Variants in SPPL3 observed in about 807,000 individuals in gnomAD.
The protein encoded by SPPL3 is signal peptide peptidase like 3.
Under a neutral mutation model 42.4 loss-of-function variants are expected in SPPL3, and 5 were observed. The observed-to-expected ratio is 0.12, with a 90% CI of 0.06 to 0.25. The LOEUF (loss-of-function observed/expected upper bound fraction) is 0.25, where lower values mean the gene tolerates loss of function less well. Ranked by LOEUF, SPPL3 falls within the 10% of genes least tolerant of loss-of-function variation. The pLI is 1.00. For synonymous variants in SPPL3, 195 were observed against 181.8 expected (o/e 1.07, Z -0.58); for missense variants, 235 against 489.0 (o/e 0.48, Z 4.90).
intron 1 of SPPL3, among the ~76,000 whole-genome samples, chr12:120,879,037 T>C (rs1873198039): frequency 1.5e-5 from 2 of 130,316 alleles, no homozygotes; most frequent in Admixed American, 2.0e-4. Flanking sequence ...CACTTGAACC[T>C]GGGAGGCGGA....
At chr12:120,827,340 TAATAATA>T (rs1270873215) in intron 1 of SPPL3, among the ~76,000 whole-genome samples, 1 of 147,074 alleles carries the variant, frequency 6.8e-6, no homozygotes, top group Non-Finnish European at 1.5e-5. Flanking sequence ...ATAATAATAA[TAATAATA>T]ATAATAATAT....
chr12:120,785,805 T>C (rs1270235320), intron 3 of SPPL3, among the ~76,000 whole-genome samples: 1 of 106,778 alleles, frequency 9.4e-6, no homozygotes, highest in African/African-American at 4.5e-5. Flanking sequence ...ACCCTATCTC[T>C]ACAGAAAATT....
intron 6 of SPPL3, among the ~76,000 whole-genome samples, chr12:120,773,379 G>A (rs1869192023): frequency 6.6e-6 from 1 of 152,200 alleles, no homozygotes; most frequent in Non-Finnish European, 1.5e-5. Flanking sequence ...AGGGTGATCT[G>A]TTCATGGACT....
intron 2 of SPPL3, chr12:120,791,929 T>C (rs1225046101): frequency 8.4e-6 from 2 of 237,990 alleles, no homozygotes; most frequent in Admixed American, 1.1e-4. Context: ...ATCAGTTCAC[T>C]CTCTCAGCAG....
At chr12:120,866,605 T>C (rs182677477) in intron 1 of SPPL3, among the ~76,000 whole-genome samples, 3 of 152,336 alleles carry the variant, frequency 2.0e-5, no homozygotes, top group Admixed American at 1.3e-4. Flanking sequence ...GGAGAAATAA[T>C]GTATTTCTTC....
chr12:120,771,811 C>T (rs932880979), intron 6 of SPPL3, among the ~76,000 whole-genome samples: 1 of 152,232 alleles, frequency 6.6e-6, no homozygotes, highest in Non-Finnish European at 1.5e-5. Flanking sequence ...CACTGTACAG[C>T]CCAAGCCCTC....
At chr12:120,871,144 A>AAAAAAAAAG (rs61249398) in intron 1 of SPPL3, among the ~76,000 whole-genome samples, 6,600 of 140,850 alleles carry the variant, frequency 0.047, 790 homozygotes, top group African/African-American at 0.18. Context: ...AAAAAAAAAA[A>AAAAAAAAAG]AAAAAGAAAA....
chr12:120,826,228 G>A (rs1466864207), intron 1 of SPPL3, among the ~76,000 whole-genome samples: 2 of 150,348 alleles, frequency 1.3e-5, no homozygotes, highest in Non-Finnish European at 3.0e-5. Context: ...GGGAGGCAGA[G>A]GTGGCGGTGA....
At chr12:120,899,863 T>C (rs1873920106) in intron 1 of SPPL3, among the ~76,000 whole-genome samples, 1 of 117,520 alleles carries the variant, frequency 8.5e-6, no homozygotes, top group Admixed American at 1.3e-4. Context: ...ATTGCACTCT[T>C]GGGCGACAGA....
intron 2 of SPPL3, among the ~76,000 whole-genome samples, chr12:120,805,442 T>C (rs908069087): frequency 6.6e-6 from 1 of 152,250 alleles, no homozygotes; most frequent in Non-Finnish European, 1.5e-5. Flanking sequence ...TGGGAAATGC[T>C]TTCCCTGAAG....
At chr12:120,776,534 T>G (rs192009553) in intron 6 of SPPL3, among the ~76,000 whole-genome samples, 7 of 152,290 alleles carry the variant, frequency 4.6e-5, no homozygotes, top group African/African-American at 1.7e-4. Flanking sequence ...AAGTGTATGT[T>G]TCCAATGGCT....
Position 120,764,893 on chromosome 12 carries a change from A to G in SPPL3, c.*106T>C. The G allele has an allele frequency of 8.0e-7, 1 of 1,246,006 alleles. No individual in the cohort carries two copies. The highest frequency in any genetic ancestry group is 2.6e-4 in the Middle Eastern group (1 of 3,836). 77.2% of individuals were successfully genotyped at this position (1,246,006 alleles called of 1,614,324 possible). A position where few individuals can be genotyped will look rare whatever the true frequency, so the allele number is the denominator to read the frequency against. On this transcript the variant is annotated 3_prime_UTR_variant, in exon 11 of 11. Transcript: ENST00000353487. ...AAATCCAGTCACACGGCAGTTCCTT[A>G]AACACAGGTACATTTCTGAGTACCA...
chr12:120,820,581 G>T (rs1255692265), intron 1 of SPPL3, among the ~76,000 whole-genome samples: 1 of 152,052 alleles, frequency 6.6e-6, no homozygotes, highest in African/African-American at 2.4e-5. Context: ...CTCCCAAAGT[G>T]CTGGGATTAC....
chr12:120,807,323 G>A (rs1479359636), intron 2 of SPPL3, among the ~76,000 whole-genome samples: 4 of 151,684 alleles, frequency 2.6e-5, no homozygotes, highest in Admixed American at 6.6e-5. Context: ...GGTTTAAATG[G>A]TACATTTTAT....
chr12:120,782,840 G>C (rs771694695), intron 5 of SPPL3, 73 bp from the exon 6 acceptor site: 16 of 1,102,990 alleles, frequency 1.5e-5, no homozygotes, highest in Non-Finnish European at 2.2e-5. Flanking sequence ...TTGGTATTTC[G>C]TGATGGCTGG....
chr12:120,848,980 T>C (rs1872135230), intron 1 of SPPL3, among the ~76,000 whole-genome samples: 1 of 152,094 alleles, frequency 6.6e-6, no homozygotes, highest in African/African-American at 2.4e-5. Context: ...ACTTGATTAC[T>C]ATGTAAATAT....
intron 1 of SPPL3, among the ~76,000 whole-genome samples, chr12:120,846,047 C>T (rs1490636583): frequency 6.6e-6 from 1 of 152,088 alleles, no homozygotes; most frequent in Non-Finnish European, 1.5e-5. Flanking sequence ...CAGGTGCATG[C>T]CACCACGCCC....
intron 1 of SPPL3, among the ~76,000 whole-genome samples, chr12:120,851,487 G>A (rs1872221766): frequency 6.6e-6 from 1 of 152,014 alleles, no homozygotes. Context: ...ATGCCTAATA[G>A]CTCTGTTCAG....
chr12:120,780,502 A>G (rs1212598866), intron 6 of SPPL3, among the ~76,000 whole-genome samples: 3 of 150,252 alleles, frequency 2.0e-5, no homozygotes, highest in African/African-American at 7.4e-5. Context: ...ATGCCTGTGC[A>G]CTTTGGGAGG....
Sources: allele counts gnomAD v4.1 joint callset (sites outside exome capture counted in the v4.1 genomes callset), GRCh38; gene constraint gnomAD v4.1.1; transcripts MANE v1.5; gene names NCBI Gene and HGNC (gene_info 2026-07-23, HGNC 2026-07-21).